FZD8: variants seen among roughly 807,000 people sequenced by gnomAD.
FZD8 encodes the protein frizzled class receptor 8, also known as frizzled-8.
Under a neutral mutation model 46.0 loss-of-function variants are expected in FZD8, and 18 were observed. The observed-to-expected ratio is 0.39, with a 90% CI of 0.27 to 0.58. The LOEUF is 0.58. Ranked by LOEUF, FZD8 falls within the 20% of genes least tolerant of loss-of-function variation. The pLI, the probability that FZD8 is intolerant of heterozygous loss-of-function variation, is 0.55. For synonymous variants in FZD8, 586 were observed against 467.9 expected (o/e 1.25, Z -3.26); for missense variants, 785 against 983.4 (o/e 0.80, Z 2.70).
rs1266834625 is a variant in FZD8 at position 35,641,698 on chromosome 10, T to G, written c.-269A>C. On this transcript the variant is annotated 5_prime_UTR_variant, in exon 1 of 1. Transcript: ENST00000374694. This position sits in a 1 kb window ranked among gnomAD's most constrained non-coding sequence, Gnocchi z 6.3. ...GGCTGCAGGCGCGCGCCACAGTCCG[T>G]AGGTCCGCTCTGCTGGCCCCGGGTC... 1.3e-5 allele frequency: 5 copies of G among 389,664 alleles called. No homozygotes were observed. Among genetic ancestry groups the G allele is most frequent in the Non-Finnish European group, 1.4e-5 (3 of 216,702 alleles). 24.1% of individuals were successfully genotyped at this position (389,664 alleles called of 1,614,324 possible). A position where few individuals can be genotyped will look rare whatever the true frequency, so the allele number is the denominator to read the frequency against.
rs1835857049 is a variant in FZD8, at chr10:35,641,330, C to T, written c.100G>A (p.Ala34Thr). 1 of 1,613,908 alleles carries T rather than the reference C, an allele frequency of 6.2e-7. No individual in the cohort carries two copies. The highest frequency in any genetic ancestry group is 8.5e-7 in the Non-Finnish European group (1 of 1,179,896). ...AGCGGCACGGTGATCTCTTGGCATG[C>T]CAGCTCCTTGGCCGAGGCGGCCGCA... ...GAAAASAKEL[A>T]CQEITVPLCK... The change falls in exon 1 of 1, where the codon GCA becomes ACA. Residue 34 changes from alanine to threonine, a missense_variant. This residue lies in a region of FZD8 where 354 missense variants were observed against 433.2 expected (regional missense o/e 0.82). Coordinates refer to ENST00000374694, the MANE Select transcript of FZD8 (RefSeq NM_031866.3). This position sits in a 1 kb window ranked among gnomAD's most constrained non-coding sequence, Gnocchi z 6.3.
chr10:35,640,382 C>A lies in FZD8; in HGVS notation c.1048G>T (p.Ala350Ser), dbSNP rs1232220159. The A allele has an allele frequency of 9.3e-7, 1 of 1,071,632 alleles. No homozygotes were observed. 66.4% of individuals were successfully genotyped at this position (1,071,632 alleles called of 1,614,324 possible). A position where few individuals can be genotyped will look rare whatever the true frequency, so the allele number is the denominator to read the frequency against. ...CSGGAPGAGG[A>S]GGAGGAAAGA... ...GCCGCCGCGCCGCCCGCGCCCCCAG[C>A]GCCCCCCGCGCCCGGCGCGCCACCG... The change falls in exon 1 of 1, where the codon GCT becomes TCT. Residue 350 changes from alanine (A) to serine (S), a missense_variant. Ala to Ser is a moderately conservative substitution (Grantham distance 99). Transcript: ENST00000374694.
At position 35,639,442 on chromosome 10, in the gene FZD8, C is replaced by G. The variant is rs761388215; in HGVS notation, c.1988G>C (p.Gly663Ala). ...GGGGGPGGGG[G>A]SLYSDVSTGL... The stretch of plus-strand genomic sequence containing the variant: ...AGTGCTGACGTCGCTGTAGAGGGAG[C>G]CCCCGCCGCCGCCCGGCCCCCCGCC... The change falls in exon 1 of 1, where the codon GGC (glycine) becomes GCC (alanine). Residue 663 changes from glycine to alanine, a missense_variant. Physicochemically the swap from Gly to Ala is moderately conservative, Grantham distance 60. Coordinates refer to ENST00000374694, the MANE Select transcript of FZD8 (RefSeq NM_031866.3). 1.2e-5 allele frequency: 14 copies of G among 1,182,866 alleles called. No individual in the cohort carries two copies. The highest frequency in any genetic ancestry group is 1.3e-5 in the Non-Finnish European group (12 of 939,436). 73.3% of individuals were successfully genotyped at this position (1,182,866 alleles called of 1,614,324 possible).
At position 35,640,926 on chromosome 10, in the gene FZD8, C is replaced by CGGCAGG. The variant is rs1372363944; in HGVS notation, c.498_503dup (p.Leu167_Pro168dup). The CGGCAGG allele has an allele frequency of 1.6e-6, 2 of 1,272,458 alleles. No homozygotes were observed. Among genetic ancestry groups the CGGCAGG allele is most frequent in the African/African-American group, 3.1e-5 (2 of 63,844 alleles). 78.8% of individuals were successfully genotyped at this position (1,272,458 alleles called of 1,614,324 possible). On this transcript the variant is annotated inframe_insertion, in exon 1 of 1. Transcript: ENST00000374694. ...GCGGCTGCTCGCCGGGCGGCGGCGG[C>CGGCAGG]GGCAGGCGGCGCGGCGGGCTGGGCG...
rs1466452648 is a variant in FZD8 at position 35,641,571 on chromosome 10, C to A, written c.-142G>T. 1.3e-5 allele frequency: 15 copies of A among 1,134,144 alleles called. No homozygotes were observed. Among genetic ancestry groups the A allele is most frequent in the Non-Finnish European group, 1.8e-5 (15 of 825,712 alleles). 70.3% of individuals were successfully genotyped at this position (1,134,144 alleles called of 1,614,324 possible). A position where few individuals can be genotyped will look rare whatever the true frequency, so the allele number is the denominator to read the frequency against. On this transcript the variant is annotated 5_prime_UTR_variant, in exon 1 of 1. Coordinates refer to ENST00000374694, the MANE Select transcript of FZD8 (RefSeq NM_031866.3). This position sits in a 1 kb window ranked among gnomAD's most constrained non-coding sequence, Gnocchi z 6.3. Reference sequence around the variant, plus strand: ...TGCTTCGCCCGGGAGGGGGGTCTGCCGATAATCTAACCCCTTCTAGGGGCG... The same window carrying A: ...TGCTTCGCCCGGGAGGGGGGTCTGCAGATAATCTAACCCCTTCTAGGGGCG...
Position 35,641,753 on chromosome 10 carries a change from G to A in FZD8, c.-324C>T. 4.5e-6 allele frequency: 1 copy of A among 220,736 alleles called. No homozygotes were observed. The highest frequency in any genetic ancestry group is 8.8e-6 in the Non-Finnish European group (1 of 114,084). 13.7% of individuals were successfully genotyped at this position (220,736 alleles called of 1,614,324 possible). On this transcript the variant is annotated 5_prime_UTR_variant, in exon 1 of 1. Coordinates refer to ENST00000374694, the MANE Select transcript of FZD8 (RefSeq NM_031866.3). The surrounding 1 kb of genome is among the most constrained non-coding windows in gnomAD (Gnocchi z 6.3). The stretch of plus-strand genomic sequence containing the variant: ...TCAGCCCTCGCGGCGCAGAGCGGCC[G>A]GGCCTCGGCTCATCGTCCCGCGCTC...
Position 35,640,309 on chromosome 10 carries a change from C to G in FZD8, c.1121G>C (p.Gly374Ala). The change falls in exon 1 of 1, where the codon GGC becomes GCC. Residue 374 changes from glycine (G) to alanine (A), a missense_variant. Physicochemically the swap from Gly to Ala is moderately conservative, Grantham distance 60 (BLOSUM62 0). Coordinates refer to ENST00000374694, the MANE Select transcript of FZD8 (RefSeq NM_031866.3). ...GAGAGGPGGRGEYEELGAVEQ... is the reference protein window; with the variant it reads ...GAGAGGPGGRAEYEELGAVEQ... ...CACCGCGCCCAGCTCCTCGTACTCG[C>G]CGCGCCCGCCCGGGCCGCCCGCGCC... 7.2e-7 allele frequency: 1 copy of G among 1,389,990 alleles called. No homozygotes were observed. Among genetic ancestry groups the G allele is most frequent in the Non-Finnish European group, 9.4e-7 (1 of 1,059,944 alleles). 86.1% of individuals were successfully genotyped at this position (1,389,990 alleles called of 1,614,324 possible). A position where few individuals can be genotyped will look rare whatever the true frequency, so the allele number is the denominator to read the frequency against.
Position 35,640,750 on chromosome 10 carries a change from G to A in FZD8, c.680C>T (p.Pro227Leu), listed in dbSNP as rs1454630251. The change falls in exon 1 of 1, where the codon CCC becomes CTC. Residue 227 changes from proline to leucine, a missense_variant. Pro to Leu is a moderately conservative substitution (Grantham distance 98). Coordinates refer to ENST00000374694, the MANE Select transcript of FZD8 (RefSeq NM_031866.3). Reference sequence around the variant, plus strand: ...GCGGCACTGGCACCCGGGCTCGCAGGGAGCCGCGCCGCCGCCAGGGGGCCG... The same window carrying A: ...GCGGCACTGGCACCCGGGCTCGCAGAGAGCCGCGCCGCCGCCAGGGGGCCG... ...KARPPGGGAA[P>L]CEPGCQCRAP... The A allele has an allele frequency of 7.6e-7, 1 of 1,319,004 alleles. No individual in the cohort carries two copies. Among genetic ancestry groups the A allele is most frequent in the Non-Finnish European group, 9.7e-7 (1 of 1,026,446 alleles). The allele number at this position is 1,319,004 out of a possible 1,614,324, so 81.7% of individuals were successfully genotyped here. A position where few individuals can be genotyped will look rare whatever the true frequency, so the allele number is the denominator to read the frequency against.
Position 35,641,517 on chromosome 10 carries a change from G to C in FZD8, c.-88C>G. The stretch of plus-strand genomic sequence containing the variant: ...GGGCCCACGAGAGAGCCGCAGACGG[G>C]TACAGCGGGTGATCTGGGGTCTCCC... On this transcript the variant is annotated 5_prime_UTR_variant, in exon 1 of 1. Transcript: ENST00000374694. The surrounding 1 kb of genome is among the most constrained non-coding windows in gnomAD (Gnocchi z 6.3). 2.0e-6 allele frequency: 3 copies of C among 1,467,418 alleles called. No individual in the cohort carries two copies. Among genetic ancestry groups the C allele is most frequent in the Non-Finnish European group, 1.8e-6 (2 of 1,114,692 alleles). The allele number at this position is 1,467,418 out of a possible 1,614,324, so 90.9% of individuals were successfully genotyped here.
chr10:35,641,269 G>C lies in FZD8; in HGVS notation c.161C>G (p.Pro54Arg). 6.2e-7 allele frequency: 1 copy of C among 1,614,082 alleles called. No individual in the cohort carries two copies. Among genetic ancestry groups the C allele is most frequent in the Non-Finnish European group, 8.5e-7 (1 of 1,179,958 alleles). The change falls in exon 1 of 1, where the codon CCC (proline) becomes CGC (arginine). Residue 54 changes from proline to arginine, a missense_variant. By Grantham distance (103) the Pro-to-Arg change is moderately radical. This residue lies in a region of FZD8 where 354 missense variants were observed against 433.2 expected (regional missense o/e 0.82). Coordinates refer to ENST00000374694, the MANE Select transcript of FZD8 (RefSeq NM_031866.3). The surrounding 1 kb of genome is among the most constrained non-coding windows in gnomAD (Gnocchi z 6.3). ...KGIGYNYTYM[P>R]NQFNHDTQDE... ...TTGCGTGTCGTGGTTGAACTGATTG[G>C]GCATGTAGGTGTAGTTGTAGCCGAT...
rs1472379474 is a variant in FZD8 at position 35,639,712 on chromosome 10, A to C, written c.1718T>G (p.Leu573Arg). 2.5e-6 allele frequency: 4 copies of C among 1,599,598 alleles called. No individual in the cohort carries two copies. The highest frequency in any genetic ancestry group is 1.7e-5 in the Admixed American group (1 of 59,988). ...ATHNCPCLRD[L>R]QPDQARRPDY... is the part of the protein sequence containing the mutation. Reference sequence around the variant, plus strand: ...GGGCCTGCGTGCCTGGTCGGGCTGCAGGTCCCGCAGGCACGGGCAGTTGTG... The same window carrying C: ...GGGCCTGCGTGCCTGGTCGGGCTGCCGGTCCCGCAGGCACGGGCAGTTGTG... The change falls in exon 1 of 1, where the codon CTG becomes CGG. Residue 573 changes from leucine (L) to arginine (R), a missense_variant. By Grantham distance (102) the Leu-to-Arg change is moderately radical (BLOSUM62 -2). Around this residue, in one of 5 missense-constraint regions of FZD8, gnomAD observed 185 missense variants for 180.8 expected, o/e 1.02. Transcript: ENST00000374694.
In FZD8 at chr10:35,641,450, G is replaced by A. The variant is rs202043751; in HGVS notation, c.-21C>T. The A allele has an allele frequency of 1.8e-5, 29 of 1,569,300 alleles. No individual in the cohort carries two copies. The East Asian group carries it at 4.1e-4, about 22-fold the overall frequency. Reference sequence around the variant, plus strand: ...TCCATGCTGTGCGCCTCGGCCCGGTGCCCTCGCCCTCCAGGCGGCGCGCAG... The same window carrying A: ...TCCATGCTGTGCGCCTCGGCCCGGTACCCTCGCCCTCCAGGCGGCGCGCAG... On this transcript the variant is annotated 5_prime_UTR_variant, in exon 1 of 1. Transcript: ENST00000374694. This position sits in a 1 kb window ranked among gnomAD's most constrained non-coding sequence, Gnocchi z 6.3.
rs1835815292 is a variant in FZD8 at position 35,639,468 on chromosome 10, G to C, written c.1962C>G (p.Gly654=). 2 of 1,000,224 alleles carry C rather than the reference G, an allele frequency of 2.0e-6. No individual in the cohort carries two copies. The highest frequency in any genetic ancestry group is 2.4e-6 in the Non-Finnish European group (2 of 828,856). 62.0% of individuals were successfully genotyped at this position (1,000,224 alleles called of 1,614,324 possible). A position where few individuals can be genotyped will look rare whatever the true frequency, so the allele number is the denominator to read the frequency against. The change falls in exon 1 of 1, where the codon GGC becomes GGG. Residue 654 remains glycine, a synonymous_variant. Coordinates refer to ENST00000374694, the MANE Select transcript of FZD8 (RefSeq NM_031866.3). ...CCCCGCCGCCGCCCGGCCCCCCGCC[G>C]CCGCCGGGTCCCCCGCCGCCGCCGC... ...PGGGGGGGPG[G]GGGPGGGGGS... is the part of the protein sequence containing the mutation.
Position 35,640,097 on chromosome 10 carries a change from C to A in FZD8, c.1333G>T (p.Ala445Ser). Residue 445 changes from alanine to serine, a missense_variant, in exon 1 of 1, where the codon GCG (alanine) becomes TCG (serine). Around this residue, in one of 5 missense-constraint regions of FZD8, gnomAD observed 147 missense variants for 242.5 expected, o/e 0.61. Transcript: ENST00000374694. ...GACTTGACGCTGGGCACAAGCCACGCGGCCAGGTGGAAGTACTGCGAGTAG... is the reference window on the plus strand; with the variant it reads ...GACTTGACGCTGGGCACAAGCCACGAGGCCAGGTGGAAGTACTGCGAGTAG... ...AGYSQYFHLA[A>S]WLVPSVKSIA... 6.2e-7 allele frequency: 1 copy of A among 1,611,880 alleles called. No individual in the cohort carries two copies. Among genetic ancestry groups the A allele is most frequent in the Non-Finnish European group, 8.5e-7 (1 of 1,179,584 alleles).
Position 35,641,082 on chromosome 10 carries a change from G to A in FZD8, c.348C>T (p.Ala116=). The change falls in exon 1 of 1, where the codon GCC becomes GCT. Residue 116 remains alanine (A), a synonymous_variant. Transcript: ENST00000374694. The surrounding 1 kb of genome is among the most constrained non-coding windows in gnomAD (Gnocchi z 6.3). ...ACTGGCGCATGAGCGGCGCGCAGCC[G>A]GCCTTGGCGCGCTCGCACACCGAGC... ...PCRSVCERAK[A]GCAPLMRQYG... is the part of the protein sequence containing the mutation. The A allele has an allele frequency of 1.9e-6, 3 of 1,610,280 alleles. No homozygotes were observed. Among genetic ancestry groups the A allele is most frequent in the South Asian group, 2.2e-5 (2 of 90,974 alleles).
chr10:35,640,962 T>C lies in FZD8; in HGVS notation c.468A>G (p.Leu156=). ...TLCMDYNRTD[L]TTAAPSPPRR... ...GCGGCGGGCTGGGCGCGGCGGTGGT[T>C]AGGTCGGTGCGGTTGTAGTCCATGC... Residue 156 remains leucine, a synonymous_variant, in exon 1 of 1, where the codon CTA becomes CTG. Coordinates refer to ENST00000374694, the MANE Select transcript of FZD8 (RefSeq NM_031866.3). 1.3e-6 allele frequency: 2 copies of C among 1,565,288 alleles called. No individual in the cohort carries two copies.
Position 35,640,512 on chromosome 10 carries a change from G to A in FZD8, c.918C>T (p.Phe306=). The A allele has an allele frequency of 1.3e-6, 2 of 1,584,832 alleles. No individual in the cohort carries two copies. The highest frequency in any genetic ancestry group is 1.7e-6 in the Non-Finnish European group (2 of 1,163,292). ...AGATAATGGGCCGCTCCGGGTACTT[G>A]AAGCGCTCCATGTCGATAAGGAAGG... ...VSTFLIDMER[F]KYPERPIIFL... The change falls in exon 1 of 1, where the codon TTC becomes TTT. Residue 306 remains phenylalanine, a synonymous_variant. Coordinates refer to ENST00000374694, the MANE Select transcript of FZD8 (RefSeq NM_031866.3).
rs1835852859 is a variant in FZD8, at chr10:35,641,067, G to A, written c.363C>T (p.Leu121=). Residue 121 remains leucine, a synonymous_variant, in exon 1 of 1, where the codon CTC becomes CTT. Transcript: ENST00000374694. This position sits in a 1 kb window ranked among gnomAD's most constrained non-coding sequence, Gnocchi z 6.3. The part of the protein sequence containing the change: ...CERAKAGCAP[L]MRQYGFAWPD... ...GCCAGGCGAAGCCGTACTGGCGCAT[G>A]AGCGGCGCGCAGCCGGCCTTGGCGC... The A allele has an allele frequency of 6.2e-7, 1 of 1,610,046 alleles. No individual in the cohort carries two copies. The highest frequency in any genetic ancestry group is 1.1e-5 in the South Asian group (1 of 90,906).
chr10:35,641,457 C>T lies in FZD8; in HGVS notation c.-28G>A. 4 of 1,558,272 alleles carry T rather than the reference C, an allele frequency of 2.6e-6. No homozygotes were observed. The highest frequency in any genetic ancestry group is 2.4e-5 in the South Asian group (2 of 84,920). ...TGTGCGCCTCGGCCCGGTGCCCTCG[C>T]CCTCCAGGCGGCGCGCAGAGGGGTG... On this transcript the variant is annotated 5_prime_UTR_variant, in exon 1 of 1. Coordinates refer to ENST00000374694, the MANE Select transcript of FZD8 (RefSeq NM_031866.3). The surrounding 1 kb of genome is among the most constrained non-coding windows in gnomAD (Gnocchi z 6.3).
Sources: allele counts gnomAD v4.1 joint callset, GRCh38; gene constraint gnomAD v4.1.1; regional missense constraint gnomAD v4.1.1; non-coding constraint Gnocchi (gnomAD v3.1); transcripts MANE v1.5; gene names NCBI Gene and HGNC (gene_info 2026-07-23, HGNC 2026-07-21).